The following STXBP6 variants were observed in gnomAD, a reference collection of about 807,000 sequenced individuals.
STXBP6 encodes syntaxin-binding protein 6.
Under a neutral mutation model 26.9 loss-of-function variants are expected in STXBP6, and 21 were observed. The observed-to-expected ratio is 0.78, with a 90% CI of 0.55 to 1.12. The LOEUF (loss-of-function observed/expected upper bound fraction) is 1.12, where lower values mean the gene tolerates loss of function less well. Among genes scored for constraint, STXBP6 ranks in the 50% most tolerant of loss-of-function variants. STXBP6 has a pLI of 0.00. For synonymous variants in STXBP6, 97 were observed against 92.6 expected (o/e 1.05, Z -0.27); for missense variants, 232 against 257.9 (o/e 0.90, Z 0.69).
At chr14:24,998,748 T>C (rs1484184825) in intron 1 of STXBP6, among the ~76,000 whole-genome samples, 2 of 152,206 alleles carry the variant, frequency 1.3e-5, no homozygotes, top group African/African-American at 2.4e-5. Context: ...TAGAGGAAGT[T>C]GCCTTTTTTG....
At chr14:25,000,386 G>T (rs1334634459) in intron 1 of STXBP6, among the ~76,000 whole-genome samples, 2 of 150,596 alleles carry the variant, frequency 1.3e-5, no homozygotes, top group African/African-American at 4.9e-5. Flanking sequence ...GAAATGTTAG[G>T]ACTGGGTTAG....
At chr14:25,015,722 G>A (rs765626162) in intron 1 of STXBP6, among the ~76,000 whole-genome samples, 10 of 151,696 alleles carry the variant, frequency 6.6e-5, no homozygotes, top group Non-Finnish European at 1.2e-4. Flanking sequence ...TTTTCCACAC[G>A]GGTCTAATTA....
chr14:24,994,232 C>T (rs545276909), intron 1 of STXBP6, among the ~76,000 whole-genome samples: 3 of 152,292 alleles, frequency 2.0e-5, no homozygotes, highest in East Asian at 1.9e-4. Context: ...CGACCTTTAA[C>T]GGTGATGACC....
intron 2 of STXBP6, among the ~76,000 whole-genome samples, chr14:24,886,668 T>C (rs1469220003): frequency 6.6e-6 from 1 of 152,212 alleles, no homozygotes; most frequent in African/African-American, 2.4e-5. Flanking sequence ...ATTTACACAT[T>C]TGCCAACACT....
At chr14:24,904,442 C>A (rs558498296) in intron 2 of STXBP6, among the ~76,000 whole-genome samples, 1 of 152,074 alleles carries the variant, frequency 6.6e-6, no homozygotes, top group Non-Finnish European at 1.5e-5. Context: ...CTTTTAATGG[C>A]GAACCCGCAA....
At chr14:25,014,989 A>G (rs2075115827) in intron 1 of STXBP6, among the ~76,000 whole-genome samples, 1 of 152,346 alleles carries the variant, frequency 6.6e-6, no homozygotes, top group Non-Finnish European at 1.5e-5. Context: ...TAAATCACTT[A>G]TATCAAAGCT....
chr14:24,976,031 A>G (rs1176771053), intron 1 of STXBP6, among the ~76,000 whole-genome samples: 2 of 152,260 alleles, frequency 1.3e-5, no homozygotes, highest in Non-Finnish European at 2.9e-5. Flanking sequence ...AACACAGCTC[A>G]AAGAGTTGAT....
At chr14:25,013,465 T>TTC (rs1344920027) in intron 1 of STXBP6, among the ~76,000 whole-genome samples, 52 of 100,050 alleles carry the variant, frequency 5.2e-4, no homozygotes, top group African/African-American at 2.6e-3. Context: ...ACATCTCTCT[T>TTC]TCACACACAC....
At chr14:25,022,130 G>A (rs1363201925) in intron 1 of STXBP6, among the ~76,000 whole-genome samples, 3 of 152,152 alleles carry the variant, frequency 2.0e-5, no homozygotes, top group Admixed American at 1.3e-4. Flanking sequence ...GGTTCAAAAT[G>A]AGTTACACCA....
rs73595329 is a variant in STXBP6, at chr14:24,999,521, T to C, written c.-32-24671A>G. Among the ~76,000 whole-genome samples, 271 of 152,252 alleles carry C rather than the reference T, an allele frequency of 1.8e-3. 1 individual carries two copies. The highest frequency in any genetic ancestry group is 5.9e-3 in the African/African-American group (245 of 41,548). On this transcript the variant is annotated intron_variant, in intron 1 of 5. Transcript: ENST00000323944. ...ATGCTGCTCTAAAGAAGCTCACAGA[T>C]GGGCTATGAAAGAAACTGTAATGGG...
chr14:24,896,036 G>T (rs549862189), intron 2 of STXBP6, among the ~76,000 whole-genome samples: 85 of 152,206 alleles, frequency 5.6e-4, no homozygotes, highest in Non-Finnish European at 1.1e-3. Context: ...GCTGGAGTAC[G>T]GGCTACAAGA....
chr14:24,951,390 C>CTCCAGCACACGTTGTT (rs71293203), intron 2 of STXBP6, among the ~76,000 whole-genome samples: 3 of 151,698 alleles, frequency 2.0e-5, no homozygotes, highest in Non-Finnish European at 4.4e-5. Flanking sequence ...TCCACATCCT[C>CTCCAGCACACGTTGTT]TCCGGACTTT....
intron 2 of STXBP6, among the ~76,000 whole-genome samples, chr14:24,894,891 CTTT>C (rs66655858): frequency 1.3e-5 from 2 of 150,596 alleles, no homozygotes. Context: ...TTCTCTCTCT[CTTT>C]TTTTTTTTTT....
chr14:24,815,022 T>C (rs2067931108), intron 5 of STXBP6, among the ~76,000 whole-genome samples: 1 of 152,188 alleles, frequency 6.6e-6, no homozygotes. Flanking sequence ...ACTAAGAAAG[T>C]AGTATCATTT....
At chr14:24,877,564 A>G (rs1278353793) in intron 2 of STXBP6, among the ~76,000 whole-genome samples, 2 of 151,634 alleles carry the variant, frequency 1.3e-5, no homozygotes, top group Non-Finnish European at 2.9e-5. Context: ...TTATCTCGGA[A>G]CTCCTCAAGA....
At chr14:24,814,313 G>A (rs577636041) in intron 5 of STXBP6, among the ~76,000 whole-genome samples, 33 of 152,302 alleles carry the variant, frequency 2.2e-4, no homozygotes, top group Non-Finnish European at 4.6e-4. Flanking sequence ...ATCACTCTAC[G>A]GCCTCTACTT....
At position 25,002,359 on chromosome 14, in the gene STXBP6, CTT is replaced by C. The variant is rs747010332; in HGVS notation, c.-32-27511_-32-27510del. Among the ~76,000 whole-genome samples the C allele has an allele frequency of 1.7e-3, 212 of 121,308 alleles. 3 individuals are homozygous for C. The highest frequency in any genetic ancestry group is 5.6e-3 in the African/African-American group (167 of 29,632). The allele number at this position is 121,308 out of a possible 152,430, so 79.6% of individuals were successfully genotyped here. Reference sequence around the variant, plus strand: ...ATCCCATACAGTTAAATTCTTATGACTTTTTTTTTTTTTTTTTTGAGACACAG... The same window carrying C: ...ATCCCATACAGTTAAATTCTTATGACTTTTTTTTTTTTTTTTGAGACACAG... On this transcript the variant is annotated intron_variant, in intron 1 of 5. Coordinates refer to ENST00000323944, the MANE Select transcript of STXBP6 (RefSeq NM_001394410.1).
intron 1 of STXBP6, among the ~76,000 whole-genome samples, chr14:24,975,680 T>G (rs2074026424): frequency 6.6e-6 from 1 of 152,234 alleles, no homozygotes; most frequent in Non-Finnish European, 1.5e-5. Flanking sequence ...TGACTCACAG[T>G]GAGTTCCCCC....
intron 1 of STXBP6, among the ~76,000 whole-genome samples, chr14:25,023,552 C>T (rs1215525007): frequency 2.6e-5 from 4 of 151,950 alleles, no homozygotes; most frequent in African/African-American, 7.3e-5. Context: ...CTCATGCCTG[C>T]AATCCCAACA....
Sources: gnomAD v4.1 joint callset for allele counts (sites outside exome capture counted in the v4.1 genomes callset) on GRCh38, gnomAD v4.1.1 for gene constraint, MANE v1.5 for transcripts, NCBI Gene and HGNC (gene_info 2026-07-23, HGNC 2026-07-21) for gene names.